DHX9: variants seen among roughly 807,000 people sequenced by gnomAD.
DHX9 encodes ATP-dependent RNA helicase A.
In DHX9, 27 loss-of-function variants were observed where a neutral mutation model predicts 148.7. The observed-to-expected ratio is 0.18, with a 90% CI of 0.13 to 0.25. The LOEUF (loss-of-function observed/expected upper bound fraction) is 0.25. Among genes scored for constraint, DHX9 ranks in the 10% least tolerant of loss-of-function variants. The pLI is 1.00. For missense variants in DHX9, 796 were observed against 1,559.6 expected, an observed-to-expected ratio of 0.51 and a Z score of 8.25; for synonymous variants, 529 against 516.6, an observed-to-expected ratio of 1.02 and a Z score of -0.33.
chr1:182,853,208 A>C (rs1256423197), intron 4 of DHX9, 98 bp from the exon 5 acceptor site: 6 of 829,624 alleles, frequency 7.2e-6, no homozygotes, highest in Non-Finnish European at 7.8e-6. Flanking sequence ...TACAGATGTG[A>C]GCCTCCATGC....
chr1:182,880,685 T>C, intron 22 of DHX9, 77 bp downstream of exon 22: 8 of 948,508 alleles, frequency 8.4e-6, no homozygotes, highest in Non-Finnish European at 1.3e-5. Context: ...AAAAGCAGTA[T>C]TGGCTCAGAT....
intron 3 of DHX9, among the ~76,000 whole-genome samples, chr1:182,846,237 CTTT>C (rs546727701): frequency 0.012 from 1,727 of 138,732 alleles, 18 homozygotes; most frequent in South Asian, 0.062. Context: ...ACCAGATGTA[CTTT>C]TTTTTTTTTT....
At chr1:182,872,006 A>G (rs1196880096) in intron 14 of DHX9, among the ~76,000 whole-genome samples, 1 of 152,024 alleles carries the variant, frequency 6.6e-6, no homozygotes, top group Non-Finnish European at 1.5e-5. Flanking sequence ...GGATTTCTCC[A>G]TGTTGGTCAG....
rs1362246727 is a variant in DHX9 at position 182,839,790 on chromosome 1, G to A, written c.-23+334G>A. 5 of 152,346 alleles carry A rather than the reference G, an allele frequency of 3.3e-5. No homozygotes were observed. The East Asian group carries it at 9.6e-4, about 29-fold the overall frequency. 9.4% of individuals were successfully genotyped at this position (152,346 alleles called of 1,614,324 possible). A position where few individuals can be genotyped will look rare whatever the true frequency, so the allele number is the denominator to read the frequency against. ...GCTGAGGGAAGGGGGTGCTTCGCCT[G>A]TGGTGGTTGCCGCCGGGGCGCCACT... On this transcript the variant is annotated intron_variant, in intron 1 of 27. Coordinates refer to ENST00000367549, the MANE Select transcript of DHX9 (RefSeq NM_001357.5).
intron 1 of DHX9, among the ~76,000 whole-genome samples, chr1:182,842,318 C>G (rs1253479296): frequency 6.6e-6 from 1 of 152,162 alleles, no homozygotes; most frequent in East Asian, 1.9e-4. Flanking sequence ...TCTTTCCAGT[C>G]TTGATCATGT....
intron 26 of DHX9, 37 bp downstream of exon 26, chr1:182,883,672 T>C (rs1178994888): frequency 3.5e-6 from 5 of 1,444,456 alleles, no homozygotes; most frequent in Non-Finnish European, 4.9e-6. Flanking sequence ...AACTGAATTC[T>C]TAGAATTACA....
intron 6 of DHX9, among the ~76,000 whole-genome samples, chr1:182,855,299 T>C (rs182411104): frequency 2.4e-4 from 36 of 152,346 alleles, no homozygotes; most frequent in Admixed American, 4.6e-4. Context: ...GAAGTGTGCC[T>C]GAAGCTCATC....
At chr1:182,855,789 C>G in intron 6 of DHX9, 1 of 937,736 alleles carries the variant, frequency 1.1e-6, no homozygotes, top group South Asian at 4.9e-5. Context: ...TTTATTCACA[C>G]CACCAAGTCT....
chr1:182,880,661 C>T, intron 22 of DHX9, 53 bp downstream of exon 22: 1 of 1,203,990 alleles, frequency 8.3e-7, no homozygotes, highest in Non-Finnish European at 1.2e-6. Context: ...ATTTCAGAAT[C>T]TTCTCCTCCC....
At chr1:182,851,498 AT>A (rs1347607686) in intron 3 of DHX9, among the ~76,000 whole-genome samples, 1 of 152,226 alleles carries the variant, frequency 6.6e-6, no homozygotes, top group African/African-American at 2.4e-5. Flanking sequence ...AACAGGAGAA[AT>A]TAATAGCGAT....
rs745987808 is a variant in DHX9 at position 182,876,814 on chromosome 1, TTTTC to T, written c.2125-9_2125-6del. 7 of 1,596,934 alleles carry T rather than the reference TTTTC, an allele frequency of 4.4e-6. No homozygotes were observed. Among genetic ancestry groups the T allele is most frequent in the South Asian group, 1.1e-5 (1 of 89,786 alleles). The stretch of plus-strand genomic sequence containing the variant: ...ATAAGAATATTTTCTGGAGTGTAAT[TTTTC>T]TTTCTTCACAGGTTATTTTGTCCAC... On this transcript the variant is annotated splice_polypyrimidine_tract_variant and intron_variant, in intron 18 of 27. Transcript: ENST00000367549.
At chr1:182,840,069 A>T (rs917911788) in intron 1 of DHX9, 5 of 152,404 alleles carry the variant, frequency 3.3e-5, no homozygotes, top group African/African-American at 1.2e-4. Context: ...AAAGCAGGCC[A>T]TGTGACTGGA....
Position 182,866,567 on chromosome 1 carries a change from A to G in DHX9, c.1456A>G (p.Ile486Val). ...TATACTTCCTCGTCCTCATGCCAGT[A>G]TAATGTTTTGTACTGTAGGTCAGTA... ...ESILPRPHASIMFCTVGVLLR... is the reference protein window; with the variant it reads ...ESILPRPHASVMFCTVGVLLR... The change falls in exon 13 of 28, where the codon ATA (isoleucine) becomes GTA (valine). Residue 486 changes from isoleucine (I) to valine (V), a missense_variant. Ile to Val is a conservative substitution (Grantham distance 29). Transcript: ENST00000367549. 1.2e-6 allele frequency: 2 copies of G among 1,614,116 alleles called. No individual in the cohort carries two copies. The highest frequency in any genetic ancestry group is 1.7e-6 in the Non-Finnish European group (2 of 1,180,004).
chr1:182,841,264 C>G (rs11576328), intron 1 of DHX9, among the ~76,000 whole-genome samples: 1 of 151,766 alleles, frequency 6.6e-6, no homozygotes, highest in Admixed American at 6.6e-5. Context: ...GCACTCCAGC[C>G]TGAGCGACAG....
chr1:182,859,158 A>G lies in DHX9; in HGVS notation c.1140+41A>G, dbSNP rs1022598436. On this transcript the variant is annotated intron_variant, in intron 11 of 27. Transcript: ENST00000367549. ...TTAGACAAGTAGTGCTCAGAGCTTC[A>G]GAATGTTCTAGGTATGGGTAAAAAG... The G allele has an allele frequency of 1.3e-6, 2 of 1,568,678 alleles. 1 individual carries two copies. Among genetic ancestry groups the G allele is most frequent in the South Asian group, 2.2e-5 (2 of 89,450 alleles).
intron 19 of DHX9, chr1:182,877,139 T>C: frequency 2.3e-6 from 1 of 430,608 alleles, no homozygotes; most frequent in East Asian, 4.2e-5. Flanking sequence ...GATGATTACT[T>C]CTCATTGCTC....
intron 1 of DHX9, among the ~76,000 whole-genome samples, chr1:182,840,603 C>A (rs1314414970): frequency 1.3e-5 from 2 of 152,092 alleles, no homozygotes; most frequent in Admixed American, 6.5e-5. Context: ...CGCCCGAATT[C>A]TTGCTCTTAT....
chr1:182,883,018 G>GA lies in DHX9; in HGVS notation c.2915-120dup, dbSNP rs1349130732. 9 of 675,946 alleles carry GA rather than the reference G, an allele frequency of 1.3e-5. No homozygotes were observed. The African/African-American group carries it at 1.4e-4, about 11-fold the overall frequency. 41.9% of individuals were successfully genotyped at this position (675,946 alleles called of 1,614,324 possible). A position where few individuals can be genotyped will look rare whatever the true frequency, so the allele number is the denominator to read the frequency against. ...GATTCTGAGAAGAGAAAGTTTTACA[G>GA]ACAGGTTATGTGAAAAGAGTGAGGA... On this transcript the variant is annotated intron_variant, in intron 24 of 27. Transcript: ENST00000367549.
intron 19 of DHX9, 35 bp downstream of exon 19, chr1:182,876,938 T>G: frequency 6.7e-7 from 1 of 1,491,798 alleles, no homozygotes; most frequent in Non-Finnish European, 9.3e-7. Flanking sequence ...TCTGCTCCAG[T>G]GTTACTAACT....
Sources: gnomAD v4.1 joint callset for allele counts (sites outside exome capture counted in the v4.1 genomes callset) on GRCh38, gnomAD v4.1.1 for gene constraint, MANE v1.5 for transcripts, NCBI Gene and HGNC (gene_info 2026-07-23, HGNC 2026-07-21) for gene names.